Variants in EEIG1 observed in about 807,000 individuals in gnomAD.
EEIG1 encodes estrogen-induced osteoclastogenesis regulator 1.
the EEIG1 span, chr9:127,941,104 G>C: frequency 6.6e-6 from 1 of 152,186 alleles, no homozygotes; most frequent in South Asian, 2.1e-4. Context: ...GCTCCCACAT[G>C]GGGACAAGGC....
the EEIG1 span, among the ~76,000 whole-genome samples, chr9:127,977,551 C>T: frequency 5.3e-5 from 8 of 152,298 alleles, no homozygotes; most frequent in African/African-American, 1.7e-4. Context: ...ATCTGGTCCC[C>T]ACCCCACCGC....
the EEIG1 span, chr9:127,945,871 T>C: frequency 2.9e-6 from 2 of 695,402 alleles, no homozygotes; most frequent in Non-Finnish European, 5.0e-6. The surrounding 1 kb of genome is among the most constrained non-coding windows in gnomAD (Gnocchi z 6.5). Context: ...TTTAACAGAC[T>C]GAAAAACAGG....
At chr9:127,963,568 T>C in the EEIG1 span, among the ~76,000 whole-genome samples, 1 of 152,206 alleles carries the variant, frequency 6.6e-6, no homozygotes, top group Non-Finnish European at 1.5e-5. Flanking sequence ...TTCTGGGCTG[T>C]CTGGAAACAG....
At chr9:127,965,145 A>C in the EEIG1 span, among the ~76,000 whole-genome samples, 8 of 135,680 alleles carry the variant, frequency 5.9e-5, no homozygotes, top group East Asian at 4.6e-4. Flanking sequence ...AAAAAAAAAA[A>C]CCAAAAACCA....
chr9:127,948,211 G>C, the EEIG1 span: 1 of 1,613,960 alleles, frequency 6.2e-7, no homozygotes, highest in South Asian at 1.1e-5. Context: ...GATGGACTTG[G>C]CAGTCGATGG....
At chr9:127,950,399 C>G in the EEIG1 span, 11 of 1,611,788 alleles carry the variant, frequency 6.8e-6, no homozygotes, top group Non-Finnish European at 8.5e-6. Flanking sequence ...GTCAGGGTGG[C>G]AGAGGTGGCA....
At chr9:127,952,310 T>C in the EEIG1 span, among the ~76,000 whole-genome samples, 4 of 152,342 alleles carry the variant, frequency 2.6e-5, no homozygotes, top group South Asian at 8.3e-4. Context: ...ACGCCCTGTA[T>C]AGCGCCTCCC....
the EEIG1 span, chr9:127,980,291 G>C: frequency 1.3e-6 from 1 of 760,774 alleles, no homozygotes. Flanking sequence ...CGGGGCCCCA[G>C]GTCTGAGAGA....
At chr9:127,958,162 G>C in the EEIG1 span, among the ~76,000 whole-genome samples, 4 of 152,182 alleles carry the variant, frequency 2.6e-5, no homozygotes, top group Non-Finnish European at 5.9e-5. Context: ...GTGTGTGAGG[G>C]GGGTGGTGCA....
chr9:127,979,802 T>C, the EEIG1 span, among the ~76,000 whole-genome samples: 1 of 152,218 alleles, frequency 6.6e-6, no homozygotes, highest in Non-Finnish European at 1.5e-5. Flanking sequence ...CCCCAGGTAT[T>C]TGGCTGGCGG....
chr9:127,970,441 C>T, the EEIG1 span, among the ~76,000 whole-genome samples: 7 of 152,020 alleles, frequency 4.6e-5, no homozygotes, highest in African/African-American at 9.7e-5. Context: ...CTTTTGTCTC[C>T]GGCTTTCTTT....
chr9:127,965,806 A>AG, the EEIG1 span, among the ~76,000 whole-genome samples: 1 of 152,246 alleles, frequency 6.6e-6, no homozygotes, highest in South Asian at 2.1e-4. Flanking sequence ...CCTGGGGACC[A>AG]GCCAAGGCGT....
chr9:127,979,988 C>T, the EEIG1 span: 2 of 1,612,254 alleles, frequency 1.2e-6, no homozygotes, highest in African/African-American at 2.7e-5. Flanking sequence ...GCCCCAGCTC[C>T]TACCTTGACG....
At chr9:127,948,196 A>G in the EEIG1 span, 2 of 1,613,994 alleles carry the variant, frequency 1.2e-6, no homozygotes, top group Non-Finnish European at 1.7e-6. Context: ...CTGGCCTGGG[A>G]TGGAGATGGA....
the EEIG1 span, among the ~76,000 whole-genome samples, chr9:127,974,942 G>A: frequency 9.9e-5 from 15 of 152,272 alleles, no homozygotes; most frequent in African/African-American, 3.6e-4. Context: ...GAATCCCATC[G>A]AACCTCCACG....
the EEIG1 span, among the ~76,000 whole-genome samples, chr9:127,971,723 C>T: frequency 2.6e-5 from 4 of 152,206 alleles, no homozygotes; most frequent in African/African-American, 9.7e-5. Context: ...GAAGGGCCCA[C>T]AGTCTGCGGA....
At chr9:127,955,057 C>G in the EEIG1 span, among the ~76,000 whole-genome samples, 1 of 152,214 alleles carries the variant, frequency 6.6e-6, no homozygotes, top group Non-Finnish European at 1.5e-5. Context: ...CTGGCAGAGC[C>G]CGTGCTCAGG....
the EEIG1 span, among the ~76,000 whole-genome samples, chr9:127,980,962 C>G: frequency 6.7e-6 from 1 of 149,288 alleles, no homozygotes; most frequent in Non-Finnish European, 1.5e-5. Context: ...AGCCAGAGCC[C>G]GATGCTGCGA....
At chr9:127,968,698 T>C in the EEIG1 span, among the ~76,000 whole-genome samples, 4,547 of 152,282 alleles carry the variant, frequency 0.03, 100 homozygotes, top group South Asian at 0.071. Context: ...GCCCTAAGGT[T>C]CCCTGGACTT....
Sources: gnomAD v4.1 joint callset for allele counts (sites outside exome capture counted in the v4.1 genomes callset) on GRCh38, gnomAD v4.1.1 for gene constraint, Gnocchi (gnomAD v3.1) non-coding constraint, MANE v1.5 for transcripts, NCBI Gene and HGNC (gene_info 2026-07-23, HGNC 2026-07-21) for gene names.